The following AGMO variants were observed in gnomAD, a reference collection of about 807,000 sequenced individuals.
AGMO encodes the protein alkylglycerol monooxygenase, also known as glyceryl-ether monooxygenase.
Under a neutral mutation model 60.2 loss-of-function variants are expected in AGMO, and 75 were observed. That is an observed-to-expected ratio of 1.25 (90% CI 1.03 to 1.51). The LOEUF is 1.51. AGMO is among the 40% of genes most tolerant of loss of function. The pLI is 0.00. For synonymous variants in AGMO, 261 were observed against 177.1 expected (o/e 1.47, Z -3.76); for missense variants, 763 against 525.5 (o/e 1.45, Z -4.42).
intron 5 of AGMO, among the ~76,000 whole-genome samples, chr7:15,411,721 A>G (rs1780615314): frequency 6.6e-6 from 1 of 152,080 alleles, no homozygotes; most frequent in African/African-American, 2.4e-5. Flanking sequence ...ATGGTGAAAT[A>G]ACAGCTACAG....
intron 12 of AGMO, among the ~76,000 whole-genome samples, chr7:15,301,657 C>T (rs554435676): frequency 6.2e-4 from 94 of 152,004 alleles, no homozygotes; most frequent in African/African-American, 2.0e-3. Flanking sequence ...TGAAGGTCCA[C>T]GATACTTTTA....
intron 10 of AGMO, among the ~76,000 whole-genome samples, chr7:15,375,319 A>T (rs1218359531): frequency 1.3e-5 from 2 of 151,882 alleles, no homozygotes; most frequent in East Asian, 3.9e-4. Flanking sequence ...ATTATTTTCC[A>T]AAATACAGAA....
intron 12 of AGMO, among the ~76,000 whole-genome samples, chr7:15,252,569 C>G (rs1782971839): frequency 6.6e-6 from 1 of 152,176 alleles, no homozygotes; most frequent in Non-Finnish European, 1.5e-5. Context: ...CTATGAAGAA[C>G]TGAATGACAC....
At position 15,555,824 on chromosome 7, in the gene AGMO, C is replaced by T. The variant is rs554943233; in HGVS notation, c.257+4317G>A. On this transcript the variant is annotated intron_variant, in intron 2 of 12. Coordinates refer to ENST00000342526, the MANE Select transcript of AGMO (RefSeq NM_001004320.2). ...ACGCAATTAATAACAAAGACAAAGTCTATTTATTAGTTTTCTAATGCAAAT... is the reference window on the plus strand; with the variant it reads ...ACGCAATTAATAACAAAGACAAAGTTTATTTATTAGTTTTCTAATGCAAAT... Among the ~76,000 whole-genome samples the T allele has an allele frequency of 2.6e-5, 4 of 152,030 alleles. No individual in the cohort carries two copies. The South Asian group carries it at 8.3e-4, about 31-fold the overall frequency.
At chr7:15,151,349 C>A in the AGMO span, among the ~76,000 whole-genome samples, 1 of 151,772 alleles carries the variant, frequency 6.6e-6, no homozygotes, top group Admixed American at 6.6e-5. Flanking sequence ...TTTTGGTTTT[C>A]TTTTTTTCTG....
At chr7:15,269,780 G>A (rs993700189) in intron 12 of AGMO, among the ~76,000 whole-genome samples, 46 of 151,794 alleles carry the variant, frequency 3.0e-4, no homozygotes, top group African/African-American at 1.1e-3. Flanking sequence ...TCCCATAAGA[G>A]TCCTCAGTAT....
chr7:15,408,906 G>A (rs1005427538), intron 5 of AGMO, among the ~76,000 whole-genome samples: 5 of 151,788 alleles, frequency 3.3e-5, no homozygotes, highest in African/African-American at 1.2e-4. Context: ...CATTTTCTGG[G>A]GAAGGGAGAA....
chr7:15,124,706 G>T, the AGMO span, among the ~76,000 whole-genome samples: 14 of 151,996 alleles, frequency 9.2e-5, no homozygotes, highest in African/African-American at 3.1e-4. Context: ...TTCAACATTG[G>T]AGTGTTTACC....
intron 12 of AGMO, among the ~76,000 whole-genome samples, chr7:15,297,252 G>A (rs1216585377): frequency 1.3e-5 from 2 of 152,090 alleles, no homozygotes; most frequent in African/African-American, 4.8e-5. Context: ...CAACCCTACT[G>A]ACACAGAACT....
chr7:15,213,755 CA>C lies in AGMO; in HGVS notation c.1264-12397del, dbSNP rs1781660900. Among the ~76,000 whole-genome samples the C allele has an allele frequency of 2.6e-5, 4 of 151,984 alleles. No homozygotes were observed. In the South Asian group the frequency reaches 6.2e-4, roughly 24 times the overall value. ...CAAAATTTTACAAAGTTAGGATAGA[CA>C]AAAGTATATCCTAATAACTTAGTGG... On this transcript the variant is annotated intron_variant, in intron 12 of 12. Coordinates refer to ENST00000342526, the MANE Select transcript of AGMO (RefSeq NM_001004320.2).
chr7:15,176,665 A>G, the AGMO span, among the ~76,000 whole-genome samples: 1 of 151,974 alleles, frequency 6.6e-6, no homozygotes, highest in Non-Finnish European at 1.5e-5. Context: ...GACTTAATTT[A>G]TGTACTAGTT....
intron 10 of AGMO, among the ~76,000 whole-genome samples, chr7:15,374,739 A>G (rs1377245094): frequency 6.6e-6 from 1 of 152,106 alleles, no homozygotes; most frequent in Non-Finnish European, 1.5e-5. Context: ...AGGTTACAAT[A>G]CAGAGGGACC....
At chr7:15,187,922 T>C in the AGMO span, among the ~76,000 whole-genome samples, 2 of 151,870 alleles carry the variant, frequency 1.3e-5, no homozygotes, top group East Asian at 3.9e-4. Flanking sequence ...CCCATGCATC[T>C]GGCTCCAACC....
intron 3 of AGMO, among the ~76,000 whole-genome samples, chr7:15,470,001 A>G (rs1224798956): frequency 6.6e-6 from 1 of 152,082 alleles, no homozygotes; most frequent in Admixed American, 6.6e-5. Context: ...AGAACCAAAC[A>G]GCAAAAACCC....
intron 3 of AGMO, among the ~76,000 whole-genome samples, chr7:15,434,974 G>A (rs1181772957): frequency 6.8e-6 from 1 of 146,108 alleles, no homozygotes; most frequent in Non-Finnish European, 1.5e-5. Flanking sequence ...TTAGCCTTTT[G>A]AGTCTGTTGT....
intron 12 of AGMO, among the ~76,000 whole-genome samples, chr7:15,228,492 G>T (rs1443779620): frequency 1.3e-5 from 2 of 152,126 alleles, no homozygotes; most frequent in African/African-American, 4.8e-5. Flanking sequence ...AGAAATAGTT[G>T]TGAAGGAGTC....
At chr7:15,250,704 C>A (rs1782903974) in intron 12 of AGMO, among the ~76,000 whole-genome samples, 4 of 152,094 alleles carry the variant, frequency 2.6e-5, no homozygotes. Context: ...CTTTGGGAAG[C>A]TGAGGCAGGT....
intron 12 of AGMO, among the ~76,000 whole-genome samples, chr7:15,254,179 T>G (rs1027631088): frequency 6.6e-6 from 1 of 152,194 alleles, no homozygotes; most frequent in Admixed American, 6.5e-5. Context: ...GTTATCTTAA[T>G]AGTGCTACAA....
At chr7:15,222,568 A>G (rs756696447) in intron 12 of AGMO, among the ~76,000 whole-genome samples, 2 of 152,050 alleles carry the variant, frequency 1.3e-5, no homozygotes, top group Non-Finnish European at 2.9e-5. Flanking sequence ...CCATACCTGT[A>G]TATTTCTTTA....
Sources: gnomAD v4.1 joint callset for allele counts (sites outside exome capture counted in the v4.1 genomes callset) on GRCh38, gnomAD v4.1.1 for gene constraint, MANE v1.5 for transcripts, NCBI Gene and HGNC (gene_info 2026-07-23, HGNC 2026-07-21) for gene names.